IFT25: variants seen among roughly 807,000 people sequenced by gnomAD.
The protein encoded by IFT25 is intraflagellar transport 25.
chr1:53,925,756 T>G, the IFT25 span, among the ~76,000 whole-genome samples: 1 of 151,978 alleles, frequency 6.6e-6, no homozygotes. Context: ...AAGCTAGATT[T>G]TATAATTACT....
the IFT25 span, among the ~76,000 whole-genome samples, chr1:53,939,193 C>A: frequency 6.6e-6 from 1 of 151,026 alleles, no homozygotes; most frequent in Non-Finnish European, 1.5e-5. Flanking sequence ...AGTTTGAGAC[C>A]AGCTTGGCCA....
chr1:53,930,109 A>G, the IFT25 span: 1 of 1,576,314 alleles, frequency 6.3e-7, no homozygotes, highest in Non-Finnish European at 8.6e-7. Context: ...ATTCCTGGGG[A>G]AACATTCCTG....
the IFT25 span, chr1:53,921,647 A>T: frequency 6.5e-7 from 1 of 1,532,258 alleles, no homozygotes; most frequent in Non-Finnish European, 9.0e-7. Flanking sequence ...GCATTTTGTT[A>T]TCATTATGAG....
At chr1:53,934,245 T>C in the IFT25 span, among the ~76,000 whole-genome samples, 2 of 152,196 alleles carry the variant, frequency 1.3e-5, no homozygotes, top group Non-Finnish European at 1.5e-5. Context: ...TTTTGGAAGA[T>C]AGTTTAGCTA....
chr1:53,914,468 CAT>C, the IFT25 span, among the ~76,000 whole-genome samples: 1 of 151,762 alleles, frequency 6.6e-6, no homozygotes, highest in Non-Finnish European at 1.5e-5. Flanking sequence ...TATTTATAAA[CAT>C]ATATATGTAT....
the IFT25 span, chr1:53,916,497 T>C: frequency 6.5e-6 from 1 of 154,938 alleles, no homozygotes; most frequent in Non-Finnish European, 1.4e-5. Context: ...CTTTTAGCAA[T>C]CTGTAAGCCT....
the IFT25 span, among the ~76,000 whole-genome samples, chr1:53,937,019 C>T: frequency 6.6e-5 from 10 of 152,124 alleles, no homozygotes; most frequent in Non-Finnish European, 1.2e-4. Flanking sequence ...GGCCATAAAA[C>T]AATATTCCAT....
At chr1:53,916,637 C>A in the IFT25 span, 1 of 287,422 alleles carries the variant, frequency 3.5e-6, no homozygotes, top group Non-Finnish European at 6.4e-6. Context: ...TTCTCAAAAA[C>A]CTTAAATGGT....
chr1:53,919,132 C>T, the IFT25 span, among the ~76,000 whole-genome samples: 1 of 140,336 alleles, frequency 7.1e-6, no homozygotes, highest in Non-Finnish European at 1.5e-5. Flanking sequence ...GGCCACCGTG[C>T]TTGGCCCTTT....
At chr1:53,931,699 A>G in the IFT25 span, among the ~76,000 whole-genome samples, 1 of 152,002 alleles carries the variant, frequency 6.6e-6, no homozygotes, top group African/African-American at 2.4e-5. Flanking sequence ...CTGTAGTGAT[A>G]TTACTTTCAT....
At chr1:53,930,000 CAAAA>C in the IFT25 span, 955 of 1,403,010 alleles carry the variant, frequency 6.8e-4, no homozygotes, top group South Asian at 2.5e-3. Context: ...CCTGGAGCAC[CAAAA>C]AAAAAAAAAA....
At chr1:53,945,040 G>T in the IFT25 span, among the ~76,000 whole-genome samples, 2 of 152,118 alleles carry the variant, frequency 1.3e-5, no homozygotes, top group Admixed American at 1.3e-4. Context: ...CCGGCCTAAG[G>T]CTTCTGTCTC....
At chr1:53,918,422 G>A in the IFT25 span, among the ~76,000 whole-genome samples, 4 of 152,114 alleles carry the variant, frequency 2.6e-5, no homozygotes, top group Non-Finnish European at 5.9e-5. Flanking sequence ...GGTCAATTAC[G>A]GCACAGGAGG....
chr1:53,923,097 C>T, the IFT25 span, among the ~76,000 whole-genome samples: 1 of 152,128 alleles, frequency 6.6e-6, no homozygotes, highest in East Asian at 1.9e-4. Context: ...TTTTTCAGGA[C>T]CTCACTGGCC....
the IFT25 span, among the ~76,000 whole-genome samples, chr1:53,936,274 C>T: frequency 2.2e-4 from 33 of 151,640 alleles, no homozygotes; most frequent in African/African-American, 7.0e-4. Context: ...GGCAATAGAA[C>T]AAGATTCCAT....
the IFT25 span, among the ~76,000 whole-genome samples, chr1:53,933,247 G>C: frequency 6.7e-6 from 1 of 149,794 alleles, no homozygotes; most frequent in Non-Finnish European, 1.5e-5. Flanking sequence ...CCATTCTCCT[G>C]CCTCAGCCTC....
the IFT25 span, among the ~76,000 whole-genome samples, chr1:53,915,509 G>T: frequency 1.3e-5 from 2 of 152,184 alleles, no homozygotes; most frequent in Non-Finnish European, 2.9e-5. Flanking sequence ...GAAATGAAGA[G>T]TCAGGTATAA....
the IFT25 span, among the ~76,000 whole-genome samples, chr1:53,930,812 A>C: frequency 5.3e-5 from 8 of 152,220 alleles, no homozygotes; most frequent in African/African-American, 1.9e-4. Flanking sequence ...CCCATAGTAG[A>C]CACATGCTAA....
At chr1:53,935,298 G>C in the IFT25 span, among the ~76,000 whole-genome samples, 12 of 152,202 alleles carry the variant, frequency 7.9e-5, no homozygotes, top group Non-Finnish European at 1.5e-4. Flanking sequence ...TGTTTCAAAA[G>C]AAACCAGTCA....
Sources: allele counts gnomAD v4.1 joint callset (sites outside exome capture counted in the v4.1 genomes callset), GRCh38; gene constraint gnomAD v4.1.1; transcripts MANE v1.5; gene names NCBI Gene and HGNC (gene_info 2026-07-23, HGNC 2026-07-21).